Variants in EXOC7 observed in about 807,000 individuals in gnomAD.
The protein encoded by EXOC7 is exocyst complex component Exo70.
A neutral mutation model predicts 87.6 loss-of-function variants in EXOC7; 51 were observed. That is an observed-to-expected ratio of 0.58 (90% CI 0.46 to 0.73). The LOEUF is 0.73. Among genes scored for constraint, EXOC7 ranks in the 30% least tolerant of loss-of-function variants. EXOC7 has a pLI of 0.00. For synonymous variants in EXOC7, 327 were observed against 357.1 expected (o/e 0.92, Z 0.95); for missense variants, 744 against 888.4 (o/e 0.84, Z 2.07).
At chr17:76,087,987 C>T (rs1006754379) in intron 11 of EXOC7, 73 bp downstream of exon 11, 1 of 1,562,266 alleles carries the variant, frequency 6.4e-7, no homozygotes, top group Non-Finnish European at 8.8e-7. Context: ...TCCACCAGTA[C>T]TCTGCCTGGC....
intron 2 of EXOC7, 134 bp downstream of exon 2, chr17:76,103,227 A>T: frequency 2.6e-6 from 2 of 765,950 alleles, no homozygotes; most frequent in Non-Finnish European, 4.4e-6. Context: ...AACTGTTGCT[A>T]GATAAACCCA....
At chr17:76,099,731 A>G (rs774177572) in intron 4 of EXOC7, among the ~76,000 whole-genome samples, 3 of 152,150 alleles carry the variant, frequency 2.0e-5, no homozygotes, top group Non-Finnish European at 2.9e-5. Context: ...AAAGACAGAA[A>G]ATAGATTTGT....
At position 76,083,482 on chromosome 17, in the gene EXOC7, GC is replaced by G. The variant is rs922695386; in HGVS notation, c.*165del. On this transcript the variant is annotated 3_prime_UTR_variant, in exon 19 of 19. Coordinates refer to ENST00000589210, the MANE Select transcript of EXOC7 (RefSeq NM_001013839.4). Reference sequence around the variant, plus strand: ...TGGGAACACGGGCTGTGGGGAAAAAGCAGGAGCCAGGACTAGGGGGCTCAGG... The same window carrying G: ...TGGGAACACGGGCTGTGGGGAAAAAGAGGAGCCAGGACTAGGGGGCTCAGG... The G allele has an allele frequency of 4.3e-5, 28 of 649,880 alleles. No individual in the cohort carries two copies. The highest frequency in any genetic ancestry group is 1.6e-4 in the Admixed American group (6 of 38,522). The allele number at this position is 649,880 out of a possible 1,614,324, so 40.3% of individuals were successfully genotyped here.
intron 4 of EXOC7, chr17:76,100,979 A>G (rs953135860): frequency 3.2e-5 from 11 of 346,788 alleles, no homozygotes; most frequent in Non-Finnish European, 4.4e-5. Flanking sequence ...GTCTCAGGAA[A>G]AAACAACAAC....
At chr17:76,096,804 C>T (rs2067779579) in intron 5 of EXOC7, among the ~76,000 whole-genome samples, 1 of 152,162 alleles carries the variant, frequency 6.6e-6, no homozygotes, top group South Asian at 2.1e-4. Context: ...GATCCGCCCA[C>T]CTTGGCCCCC....
In EXOC7 at chr17:76,094,576, T is replaced by C. The variant is rs1476690158; in HGVS notation, c.646A>G (p.Met216Val). ...GAGCGTATCTGGTAGTAGACGTTCA[T>C]GAAATCTGAGGAGACACAGAGGGAT... ...LVEYGRNQDF[M>V]NVYYQIRSSQ... The change falls in exon 6 of 19, where the codon ATG becomes GTG. Residue 216 changes from methionine (M) to valine (V), a missense_variant. Met to Val is a conservative substitution (Grantham distance 21). This residue lies in a region of EXOC7 where 512 missense variants were observed against 573.0 expected (regional missense o/e 0.89). Coordinates refer to ENST00000589210, the MANE Select transcript of EXOC7 (RefSeq NM_001013839.4). The C allele has an allele frequency of 1.2e-6, 2 of 1,612,534 alleles. No homozygotes were observed. The highest frequency in any genetic ancestry group is 8.5e-7 in the Non-Finnish European group (1 of 1,179,392).
In EXOC7 at chr17:76,085,675, A is replaced by C; in HGVS notation, c.1616+2T>G. On this transcript the variant is annotated splice_donor_variant, in intron 14 of 18. Transcript: ENST00000589210. LOFTEE classifies it high-confidence loss of function. ...GCAGACTCACTCCCGCAGGCCACTT[A>C]CTTCTCCAGGGACTTGAGGATGTAA... 1 of 1,614,054 alleles carries C rather than the reference A, an allele frequency of 6.2e-7. No homozygotes were observed. The highest frequency in any genetic ancestry group is 8.5e-7 in the Non-Finnish European group (1 of 1,180,020).
intron 3 of EXOC7, 99 bp downstream of exon 3, chr17:76,101,580 C>A: frequency 6.9e-7 from 1 of 1,441,754 alleles, no homozygotes; most frequent in East Asian, 2.3e-5. Context: ...CTCAAGCGAT[C>A]CTCCCACCTC....
In EXOC7 at chr17:76,083,209, T is replaced by C. The variant is rs2067058239; in HGVS notation, c.*439A>G. On this transcript the variant is annotated 3_prime_UTR_variant, in exon 19 of 19. Transcript: ENST00000589210. ...AGAGGGGGTCAGTCCCGACTGCCTT[T>C]CCTCCAGGAGCTCTGGCTGCTTCTC... The C allele has an allele frequency of 5.7e-6, 1 of 174,336 alleles. No individual in the cohort carries two copies. The highest frequency in any genetic ancestry group is 5.7e-5 in the Admixed American group (1 of 17,546). The allele number at this position is 174,336 out of a possible 1,614,324, so 10.8% of individuals were successfully genotyped here. A position where few individuals can be genotyped will look rare whatever the true frequency, so the allele number is the denominator to read the frequency against.
In EXOC7 at chr17:76,087,680, G is replaced by A. The variant is rs1381016469; in HGVS notation, c.1403C>T (p.Thr468Met). 1.2e-5 allele frequency: 19 copies of A among 1,551,356 alleles called. No homozygotes were observed. The highest frequency in any genetic ancestry group is 4.9e-5 in the East Asian group (2 of 40,920). ...FLQQLLDFQE[T>M]AGAMLASQET... ...TTGGGAGGCCAGCATGGCGCCTGCCGTCTCCTGGAAGTCCAAAAGCTGCTG... is the reference window on the plus strand; with the variant it reads ...TTGGGAGGCCAGCATGGCGCCTGCCATCTCCTGGAAGTCCAAAAGCTGCTG... Residue 468 changes from threonine (T) to methionine (M), a missense_variant, in exon 12 of 19, where the codon ACG becomes ATG. This residue lies in a region of EXOC7 where 228 missense variants were observed against 298.6 expected (regional missense o/e 0.76). Transcript: ENST00000589210.
In EXOC7 at chr17:76,101,862, A is replaced by G; in HGVS notation, c.128T>C (p.Val43Ala). 1.2e-6 allele frequency: 2 copies of G among 1,610,112 alleles called. No homozygotes were observed. Among genetic ancestry groups the G allele is most frequent in the Non-Finnish European group, 1.7e-6 (2 of 1,177,826 alleles). The change falls in exon 3 of 19, where the codon GTG becomes GCG. Residue 43 changes from valine to alanine, a missense_variant and splice_region_variant. Val to Ala is a moderately conservative substitution (Grantham distance 64). Coordinates refer to ENST00000589210, the MANE Select transcript of EXOC7 (RefSeq NM_001013839.4). ...EKSDQLTKNM[V>A]SILSSFESRL... ...GCTCTCAAAGGATGATAAGATAGAC[A>G]CCTGCGGGAGGGAAGCCTCTTGATC...
rs2067065604 is a variant in EXOC7, at chr17:76,083,414, G to C, written c.*234C>G. 2 of 550,496 alleles carry C rather than the reference G, an allele frequency of 3.6e-6. No individual in the cohort carries two copies. The allele number at this position is 550,496 out of a possible 1,614,324, so 34.1% of individuals were successfully genotyped here. A position where few individuals can be genotyped will look rare whatever the true frequency, so the allele number is the denominator to read the frequency against. On this transcript the variant is annotated 3_prime_UTR_variant, in exon 19 of 19. Coordinates refer to ENST00000589210, the MANE Select transcript of EXOC7 (RefSeq NM_001013839.4). The stretch of plus-strand genomic sequence containing the variant: ...AAGCCATCAGGGTCATAAAAGCCAA[G>C]GTGTGGAGGGACCCCAGGCTTCCGG...
At chr17:76,092,105 T>A (rs922290182) in intron 6 of EXOC7, among the ~76,000 whole-genome samples, 46 of 152,048 alleles carry the variant, frequency 3.0e-4, no homozygotes, top group African/African-American at 1.1e-3. Flanking sequence ...GCAGCTGCCT[T>A]GTTAACAAAA....
At chr17:76,089,729 G>C (rs2067388933) in intron 7 of EXOC7, 1 of 220,660 alleles carries the variant, frequency 4.5e-6, no homozygotes, top group South Asian at 7.9e-5. Flanking sequence ...AAGGAGGCTG[G>C]CACTGGGGTC....
Position 76,089,653 on chromosome 17 carries a change from G to A in EXOC7, c.902-333C>T, listed in dbSNP as rs372828162. 197 of 356,646 alleles carry A rather than the reference G, an allele frequency of 5.5e-4. 2 individuals are homozygous for A. In the South Asian group the frequency reaches 5.9e-3, roughly 11 times the overall value. 22.1% of individuals were successfully genotyped at this position (356,646 alleles called of 1,614,324 possible). A position where few individuals can be genotyped will look rare whatever the true frequency, so the allele number is the denominator to read the frequency against. On this transcript the variant is annotated intron_variant, in intron 7 of 18. Transcript: ENST00000589210. Reference sequence around the variant, plus strand: ...CCTGGATAAGGTGGTTTGACCCCAGGACTGAGCATTCTGAGTTGTACCTGA... The same window carrying A: ...CCTGGATAAGGTGGTTTGACCCCAGAACTGAGCATTCTGAGTTGTACCTGA...
chr17:76,084,228 G>C lies in EXOC7; in HGVS notation c.1818+20C>G, dbSNP rs199900871. The stretch of plus-strand genomic sequence containing the variant: ...TCAACAGCAGCAGCAAGCAGTGGAG[G>C]GGAGAGGACCCCGACTCACCTTAAA... On this transcript the variant is annotated intron_variant, in intron 17 of 18. Transcript: ENST00000589210. 17 of 1,609,646 alleles carry C rather than the reference G, an allele frequency of 1.1e-5. No homozygotes were observed. The highest frequency in any genetic ancestry group is 1.4e-5 in the Non-Finnish European group (17 of 1,176,880).
chr17:76,085,953 G>C (rs1293953762), intron 13 of EXOC7, 127 bp downstream of exon 13: 1 of 1,510,058 alleles, frequency 6.6e-7, no homozygotes, highest in African/African-American at 1.4e-5. Flanking sequence ...AGGTCAGGTT[G>C]TGGTTCCAAA....
At position 76,088,550 on chromosome 17, in the gene EXOC7, T is replaced by C; in HGVS notation, c.1213A>G (p.Ser405Gly). 6.2e-7 allele frequency: 1 copy of C among 1,613,494 alleles called. No homozygotes were observed. The highest frequency in any genetic ancestry group is 8.5e-7 in the Non-Finnish European group (1 of 1,179,828). ...AGGCCAGGCAGCTTGTTCTTTGTGC[T>C]GGCAGCCGTGCCCTGAGGAAGCACA... ...FDQVLQGTAASTKNKLPGLIT... is the reference protein window; with the variant it reads ...FDQVLQGTAAGTKNKLPGLIT... The change falls in exon 10 of 19, where the codon AGC becomes GGC. Residue 405 changes from serine (S) to glycine (G), a missense_variant. Around this residue, in one of 3 missense-constraint regions of EXOC7, gnomAD observed 512 missense variants for 573.0 expected, o/e 0.89. Transcript: ENST00000589210.
In EXOC7 at chr17:76,101,298, G is replaced by A. The variant is rs1474940507; in HGVS notation, c.390C>T (p.Ser130=). 1.2e-6 allele frequency: 2 copies of A among 1,613,920 alleles called. No individual in the cohort carries two copies. Among genetic ancestry groups the A allele is most frequent in the Non-Finnish European group, 1.7e-6 (2 of 1,180,028 alleles). ...QKAVEYFQDN[S]PDSPELNKVK... is the part of the protein sequence containing the mutation. ...CTTTGTTGAGTTCCGGGCTGTCTGG[G>A]CTGTTGTCCTGGAAATACTCCACTG... The change falls in exon 4 of 19, where the codon AGC becomes AGT. Residue 130 remains serine (S), a synonymous_variant. Transcript: ENST00000589210.
Sources: allele counts gnomAD v4.1 joint callset (sites outside exome capture counted in the v4.1 genomes callset), GRCh38; gene constraint gnomAD v4.1.1; regional missense constraint gnomAD v4.1.1; transcripts MANE v1.5; gene names NCBI Gene and HGNC (gene_info 2026-07-23, HGNC 2026-07-21).